TSGA10: variants seen among roughly 807,000 people sequenced by gnomAD.
TSGA10 encodes testis specific 10, also known as testis-specific gene 10 protein.
In TSGA10, 43 loss-of-function variants were observed where a neutral mutation model predicts 96.6. That is an observed-to-expected ratio of 0.44 (90% CI 0.35 to 0.57). The LOEUF is 0.57. TSGA10 is among the 20% of genes least tolerant of loss of function. The probability of loss-of-function intolerance (pLI) is 0.01; values close to 1 mark genes in which losing one functional copy is unlikely to be tolerated. For synonymous variants in TSGA10, 229 were observed against 269.9 expected, an observed-to-expected ratio of 0.85 and a Z score of 1.48; for missense variants, 703 against 834.4, an observed-to-expected ratio of 0.84 and a Z score of 1.94.
At chr2:99,153,757 G>A (rs2093717746) in intron 1 of TSGA10, among the ~76,000 whole-genome samples, 2 of 152,154 alleles carry the variant, frequency 1.3e-5, no homozygotes. Flanking sequence ...GAGTGACCTT[G>A]GTAAAAGGTG....
chr2:99,109,604 G>A, intron 5 of TSGA10, 92 bp from the exon 6 acceptor site: 1 of 1,064,562 alleles, frequency 9.4e-7, no homozygotes, highest in Non-Finnish European at 1.2e-6. Context: ...CTAAACTATA[G>A]CATCATTTTC....
chr2:99,097,562 A>G (rs1490442790), intron 10 of TSGA10, among the ~76,000 whole-genome samples: 4 of 152,230 alleles, frequency 2.6e-5, no homozygotes, highest in African/African-American at 9.6e-5. Context: ...TAAAAGAATA[A>G]TAAATGAGTT....
rs1167854716 is a variant in TSGA10 at position 99,074,000 on chromosome 2, C to CTTTTTTTTTTTTTTTTT, written c.883-944_883-928dup. Among the ~76,000 whole-genome samples the CTTTTTTTTTTTTTTTTT allele has an allele frequency of 2.9e-3, 151 of 52,626 alleles. 38 individuals carry two copies. The highest frequency in any genetic ancestry group is 5.9e-3 in the African/African-American group (79 of 13,350). 34.5% of individuals were successfully genotyped at this position (52,626 alleles called of 152,430 possible). ...AACCAATTCTGTTCCTGTTTCTTTT[C>CTTTTTTTTTTTTTTTTT]TTTTTTTTTTTTTTTTTTTTTTTTT... On this transcript the variant is annotated intron_variant, in intron 12 of 20. Transcript: ENST00000393483.
intron 10 of TSGA10, among the ~76,000 whole-genome samples, chr2:99,094,201 T>A (rs560113963): frequency 2.0e-5 from 3 of 152,222 alleles, no homozygotes; most frequent in African/African-American, 7.2e-5. Context: ...GCAAGCCACA[T>A]GTAGAAGAAT....
chr2:99,090,787 C>G (rs928435493), intron 10 of TSGA10, among the ~76,000 whole-genome samples: 3 of 151,906 alleles, frequency 2.0e-5, no homozygotes, highest in Non-Finnish European at 2.9e-5. Context: ...GTTAAACAAC[C>G]AAACCTAAAA....
chr2:99,011,590 T>G (rs1471617355), intron 20 of TSGA10, among the ~76,000 whole-genome samples: 2 of 152,086 alleles, frequency 1.3e-5, no homozygotes, highest in African/African-American at 4.8e-5. Flanking sequence ...TTTAGAAAAC[T>G]TATTTGAGGG....
chr2:99,043,346 GA>G (rs2082396787), intron 16 of TSGA10, among the ~76,000 whole-genome samples: 1 of 151,690 alleles, frequency 6.6e-6, no homozygotes, highest in Non-Finnish European at 1.5e-5. Context: ...ATTTGATGAA[GA>G]AAAAAAGCAG....
At chr2:99,030,017 TG>T (rs1460768436) in intron 17 of TSGA10, among the ~76,000 whole-genome samples, 2 of 152,360 alleles carry the variant, frequency 1.3e-5, no homozygotes, top group Non-Finnish European at 2.9e-5. Flanking sequence ...TAAGTGGATT[TG>T]GCAAGTTCAT....
At chr2:99,118,805 G>A in intron 2 of TSGA10, 119 bp from the exon 3 acceptor site, 1 of 271,418 alleles carries the variant, frequency 3.7e-6, no homozygotes, top group Non-Finnish European at 5.6e-6. Flanking sequence ...TTGTTTACTT[G>A]AGGAAATACA....
chr2:99,048,604 G>A (rs748489284), intron 16 of TSGA10, among the ~76,000 whole-genome samples: 6 of 152,078 alleles, frequency 3.9e-5, no homozygotes, highest in African/African-American at 9.7e-5. Context: ...AGACTTAAAC[G>A]TAAGATCTAA....
In TSGA10 at chr2:99,020,468, T is replaced by C. The variant is rs749475999; in HGVS notation, c.1629A>G (p.Leu543=). The C allele has an allele frequency of 1.4e-5, 22 of 1,608,878 alleles. No homozygotes were observed. The highest frequency in any genetic ancestry group is 2.7e-5 in the African/African-American group (2 of 74,846). The change falls in exon 18 of 21, where the codon TTA becomes TTG. Residue 543 remains leucine, a synonymous_variant. Transcript: ENST00000393483. The part of the protein sequence containing the change: ...DQEIEMRENE[L]DSAHSEIELL... Reference sequence around the variant, plus strand: ...GTTCAATTTCAGAATGAGCAGAATCTAACTCATTCTCCCTCTGTTCAATAA... The same window carrying C: ...GTTCAATTTCAGAATGAGCAGAATCCAACTCATTCTCCCTCTGTTCAATAA...
chr2:99,039,790 T>C (rs1196678959), intron 16 of TSGA10, among the ~76,000 whole-genome samples: 2 of 151,990 alleles, frequency 1.3e-5, no homozygotes, highest in African/African-American at 2.4e-5. Flanking sequence ...ATCACACTAA[T>C]ACCAAAACTA....
At chr2:99,043,757 C>A (rs1360459486) in intron 16 of TSGA10, among the ~76,000 whole-genome samples, 3 of 152,044 alleles carry the variant, frequency 2.0e-5, no homozygotes, top group Admixed American at 1.3e-4. Flanking sequence ...ACAAAACAAC[C>A]CAAAATACCA....
In TSGA10 at chr2:99,059,082, A is replaced by ATATT. The variant is rs1553454320; in HGVS notation, c.1404+5856_1404+5857insAATA. 1.8e-4 allele frequency among the ~76,000 whole-genome samples: 10 copies of ATATT among 54,148 alleles called. No individual in the cohort carries two copies. The South Asian group carries it at 2.0e-3, about 11-fold the overall frequency. The allele number at this position is 54,148 out of a possible 152,430, so 35.5% of individuals were successfully genotyped here. A position where few individuals can be genotyped will look rare whatever the true frequency, so the allele number is the denominator to read the frequency against. Reference sequence around the variant, plus strand: ...TATATATATATATTTATATATTTTTATATATATATATATATGCAATCTAAT... The same window carrying ATATT: ...TATATATATATATTTATATATTTTTATATTTATATATATATATATGCAATCTAAT... On this transcript the variant is annotated intron_variant, in intron 16 of 20. Transcript: ENST00000393483.
At chr2:99,127,967 A>G (rs2092914989) in intron 1 of TSGA10, among the ~76,000 whole-genome samples, 2 of 152,358 alleles carry the variant, frequency 1.3e-5, no homozygotes, top group South Asian at 4.1e-4. Context: ...CATACTATAC[A>G]TACTATTCTG....
At chr2:99,075,106 C>T (rs1558931933) in intron 12 of TSGA10, among the ~76,000 whole-genome samples, 1 of 152,012 alleles carries the variant, frequency 6.6e-6, no homozygotes, top group East Asian at 1.9e-4. Context: ...GGGTTGAATC[C>T]AATAACATAT....
chr2:99,143,473 C>CT (rs1291055324), intron 1 of TSGA10, among the ~76,000 whole-genome samples: 5 of 143,852 alleles, frequency 3.5e-5, no homozygotes, highest in Middle Eastern at 3.9e-3. Flanking sequence ...TTTTTTTTTC[C>CT]TTTTTTTTAA....
chr2:99,087,372 G>A (rs532878348), intron 10 of TSGA10, among the ~76,000 whole-genome samples: 52 of 152,008 alleles, frequency 3.4e-4, no homozygotes, highest in Non-Finnish European at 6.5e-4. Flanking sequence ...CTGGTGTAGT[G>A]GCGCATGCCT....
intron 20 of TSGA10, among the ~76,000 whole-genome samples, chr2:99,008,418 G>T (rs1463862772): frequency 6.6e-6 from 1 of 152,096 alleles, no homozygotes; most frequent in African/African-American, 2.4e-5. Flanking sequence ...TATAATAATA[G>T]CCCTTAAACC....
Sources: gnomAD v4.1 joint callset for allele counts (sites outside exome capture counted in the v4.1 genomes callset) on GRCh38, gnomAD v4.1.1 for gene constraint, MANE v1.5 for transcripts, NCBI Gene and HGNC (gene_info 2026-07-23, HGNC 2026-07-21) for gene names.